ADAMTSL1: variants seen among roughly 807,000 people sequenced by gnomAD.
The protein encoded by ADAMTSL1 is ADAMTS like 1, also known as ADAMTS-like protein 1.
ADAMTSL1 carries 126 observed loss-of-function variants against 201.8 expected under a neutral mutation model. That is an observed-to-expected ratio of 0.62 (90% CI 0.54 to 0.72). The LOEUF (loss-of-function observed/expected upper bound fraction) is 0.72, where lower values mean the gene tolerates loss of function less well. ADAMTSL1 is among the 30% of genes least tolerant of loss of function. ADAMTSL1 has a pLI of 0.00. For missense variants in ADAMTSL1, 2,679 were observed against 2,277.8 expected (o/e 1.18, Z -3.59); for synonymous variants, 1,121 against 903.4 (o/e 1.24, Z -4.32).
rs538736445 is a variant in ADAMTSL1, at chr9:18,252,775, C to T, written c.207+88794C>T. Among the ~76,000 whole-genome samples the T allele has an allele frequency of 2.0e-4, 30 of 152,186 alleles. No individual in the cohort carries two copies. In the South Asian group the frequency reaches 5.0e-3, roughly 25 times the overall value. On this transcript the variant is annotated intron_variant, in intron 2 of 29. Coordinates refer to the ADAMTSL1 transcript ENST00000680146. ...CCTGGTAAGAATGTTAGGAAATGAG[C>T]ATCTTAAATGTTGCTGGTTGGGTAT...
chr9:18,877,944 T>C (rs1386490242), intron 23 of ADAMTSL1, among the ~76,000 whole-genome samples: 3 of 152,140 alleles, frequency 2.0e-5, no homozygotes, highest in Non-Finnish European at 4.4e-5. Context: ...GGGTGGGGCT[T>C]GCTGGGACTG....
At chr9:18,587,056 A>G (rs1033719183) in intron 4 of ADAMTSL1, among the ~76,000 whole-genome samples, 1 of 152,110 alleles carries the variant, frequency 6.6e-6, no homozygotes, top group African/African-American at 2.4e-5. Flanking sequence ...ATTTCGTGGC[A>G]AAGATGCCGA....
intron 7 of ADAMTSL1, among the ~76,000 whole-genome samples, chr9:18,644,539 A>C (rs1190185430): frequency 4.3e-5 from 6 of 139,768 alleles, no homozygotes; most frequent in Admixed American, 1.5e-4. Context: ...CCTCCCCCCT[A>C]CCCCCACCCC....
intron 1 of ADAMTSL1, among the ~76,000 whole-genome samples, chr9:18,015,910 A>G (rs148722055): frequency 1.3e-5 from 2 of 152,160 alleles, no homozygotes; most frequent in African/African-American, 4.8e-5. Flanking sequence ...GAGTATTGCC[A>G]TACCCTTTCT....
At chr9:17,976,814 A>T (rs113003372) in intron 1 of ADAMTSL1, among the ~76,000 whole-genome samples, 1 of 147,832 alleles carries the variant, frequency 6.8e-6, no homozygotes, top group Non-Finnish European at 1.5e-5. Context: ...TCTAATTTGG[A>T]TGCCTTTTAT....
chr9:18,465,740 T>C (rs1390004129), intron 2 of ADAMTSL1, among the ~76,000 whole-genome samples: 1 of 151,486 alleles, frequency 6.6e-6, no homozygotes, highest in African/African-American at 2.4e-5. Context: ...GGTATCTTTT[T>C]GTTTTGTTTT....
chr9:18,408,227 G>A (rs910799172), intron 2 of ADAMTSL1, among the ~76,000 whole-genome samples: 6 of 152,152 alleles, frequency 3.9e-5, no homozygotes, highest in African/African-American at 1.4e-4. Context: ...CCAGCACTTT[G>A]GGAAGCCAGG....
chr9:18,426,905 C>A (rs1354117272), intron 2 of ADAMTSL1, among the ~76,000 whole-genome samples: 1 of 152,134 alleles, frequency 6.6e-6, no homozygotes, highest in Non-Finnish European at 1.5e-5. Flanking sequence ...GAAAGCTGTT[C>A]CTTAATGAAT....
At chr9:18,738,890 A>G (rs1818665951) in intron 15 of ADAMTSL1, among the ~76,000 whole-genome samples, 1 of 152,208 alleles carries the variant, frequency 6.6e-6, no homozygotes, top group Admixed American at 6.5e-5. Context: ...TAACAATGAT[A>G]GCAATAATAA....
At chr9:18,676,864 A>G (rs571516742) in intron 10 of ADAMTSL1, among the ~76,000 whole-genome samples, 1 of 152,244 alleles carries the variant, frequency 6.6e-6, no homozygotes, top group African/African-American at 2.4e-5. Flanking sequence ...CTCCAAATAC[A>G]TAATGAATTA....
At chr9:18,799,396 C>T (rs1200920212) in intron 20 of ADAMTSL1, among the ~76,000 whole-genome samples, 1 of 152,164 alleles carries the variant, frequency 6.6e-6, no homozygotes, top group Non-Finnish European at 1.5e-5. Flanking sequence ...TCTTCCAAAT[C>T]CGAATGGCCT....
intron 2 of ADAMTSL1, among the ~76,000 whole-genome samples, chr9:18,396,441 T>G (rs1817755719): frequency 6.7e-6 from 1 of 150,002 alleles, no homozygotes; most frequent in Non-Finnish European, 1.5e-5. Flanking sequence ...TTCATTACTA[T>G]TCTAATAAAT....
intron 2 of ADAMTSL1, among the ~76,000 whole-genome samples, chr9:18,276,075 G>A (rs1832575614): frequency 6.6e-6 from 1 of 152,004 alleles, no homozygotes; most frequent in East Asian, 1.9e-4. Flanking sequence ...GCCACCAAAA[G>A]TCTTTAGTTA....
intron 1 of ADAMTSL1, among the ~76,000 whole-genome samples, chr9:17,962,230 A>G (rs1817784988): frequency 6.6e-6 from 1 of 152,194 alleles, no homozygotes. Flanking sequence ...CTGAAGGGCT[A>G]TAATGAGACC....
At chr9:18,005,530 T>C (rs2131543094) in intron 1 of ADAMTSL1, among the ~76,000 whole-genome samples, 1 of 152,182 alleles carries the variant, frequency 6.6e-6, no homozygotes, top group South Asian at 2.1e-4. Flanking sequence ...ACAGGTCCCT[T>C]AGCCTTTGTT....
chr9:18,074,205 G>A (rs1163539911), intron 1 of ADAMTSL1, among the ~76,000 whole-genome samples: 4 of 152,164 alleles, frequency 2.6e-5, no homozygotes, highest in Admixed American at 6.5e-5. Context: ...TGACAGGCAA[G>A]CCAGGCTTCC....
intron 1 of ADAMTSL1, among the ~76,000 whole-genome samples, chr9:18,078,081 A>G (rs1563986330): frequency 3.3e-5 from 5 of 152,248 alleles, no homozygotes. Flanking sequence ...TGAGCAAACA[A>G]GCCTGCTACA....
chr9:18,398,600 C>T (rs1326641867), intron 2 of ADAMTSL1, among the ~76,000 whole-genome samples: 1 of 152,138 alleles, frequency 6.6e-6, no homozygotes, highest in Non-Finnish European at 1.5e-5. Context: ...TCCCTTGAAA[C>T]CATGTCTTTC....
At chr9:18,886,211 T>TATATAC (rs1202758335) in intron 23 of ADAMTSL1, among the ~76,000 whole-genome samples, 10 of 105,872 alleles carry the variant, frequency 9.4e-5, no homozygotes, top group Admixed American at 1.9e-4. Flanking sequence ...TATATATATA[T>TATATAC]ACACACACAT....
Sources: allele counts gnomAD v4.1 joint callset (sites outside exome capture counted in the v4.1 genomes callset), GRCh38; gene constraint gnomAD v4.1.1; transcripts MANE v1.5; gene names NCBI Gene and HGNC (gene_info 2026-07-23, HGNC 2026-07-21).